LARGE1: variants seen among roughly 807,000 people sequenced by gnomAD.
The protein encoded by LARGE1 is xylosyl- and glucuronyltransferase LARGE1.
A neutral mutation model predicts 87.6 loss-of-function variants in LARGE1; 43 were observed. The ratio of observed to expected loss-of-function variants is 0.49; its 90% CI spans 0.38 to 0.63. LARGE1 has a LOEUF of 0.63. Ranked by LOEUF, LARGE1 falls within the 30% of genes least tolerant of loss-of-function variation. LARGE1 has a pLI of 0.00. For missense variants in LARGE1, 802 were observed against 1,000.2 expected (o/e 0.80, Z 2.67); for synonymous variants, 434 against 394.6 (o/e 1.10, Z -1.18).
At chr22:33,863,051 CG>C (rs748806453) in intron 1 of LARGE1, among the ~76,000 whole-genome samples, 1 of 152,152 alleles carries the variant, frequency 6.6e-6, no homozygotes, top group Non-Finnish European at 1.5e-5. Flanking sequence ...TTGCAGAAAG[CG>C]GTTTGCCTCC....
chr22:33,428,160 C>T (rs939348620), intron 7 of LARGE1, among the ~76,000 whole-genome samples: 3 of 152,106 alleles, frequency 2.0e-5, no homozygotes, highest in African/African-American at 4.8e-5. Flanking sequence ...TTTTTCCAGT[C>T]GGTAAATCTC....
the LARGE1 span, among the ~76,000 whole-genome samples, chr22:33,090,675 A>C: frequency 6.6e-6 from 1 of 152,208 alleles, no homozygotes; most frequent in Non-Finnish European, 1.5e-5. Flanking sequence ...TTCCAACAAA[A>C]TTATTTGGGG....
chr22:33,266,475 C>T (rs1297323971), intron 11 of LARGE1, among the ~76,000 whole-genome samples: 3 of 151,610 alleles, frequency 2.0e-5, no homozygotes, highest in Non-Finnish European at 4.4e-5. Flanking sequence ...CTGCCTGCCT[C>T]GGCCTCCCGA....
chr22:33,681,264 G>A (rs1354384672), intron 2 of LARGE1, among the ~76,000 whole-genome samples: 1 of 152,146 alleles, frequency 6.6e-6, no homozygotes. Context: ...ACATTTGCAG[G>A]GGATGATGTG....
At chr22:33,192,139 G>T (rs1226435367) in intron 11 of LARGE1, among the ~76,000 whole-genome samples, 1 of 152,148 alleles carries the variant, frequency 6.6e-6, no homozygotes, top group Non-Finnish European at 1.5e-5. Context: ...GTTTATGAAA[G>T]GCAAGTGCAG....
intron 9 of LARGE1, among the ~76,000 whole-genome samples, chr22:33,365,416 T>C (rs982662917): frequency 3.1e-4 from 47 of 152,214 alleles, no homozygotes; most frequent in African/African-American, 1.1e-3. Context: ...AAATTATTTG[T>C]GGTCTTAATT....
intron 2 of LARGE1, among the ~76,000 whole-genome samples, chr22:33,670,007 G>A (rs2081365311): frequency 6.6e-6 from 1 of 152,142 alleles, no homozygotes; most frequent in Non-Finnish European, 1.5e-5. Context: ...GTCGCAGGAT[G>A]CAAGAGACAC....
At chr22:33,367,590 C>T (rs1295209672) in intron 9 of LARGE1, among the ~76,000 whole-genome samples, 1 of 151,978 alleles carries the variant, frequency 6.6e-6, no homozygotes, top group Non-Finnish European at 1.5e-5. Flanking sequence ...CCCATCCCCC[C>T]ATTTATTTAT....
intron 9 of LARGE1, among the ~76,000 whole-genome samples, chr22:33,363,715 C>T (rs113670192): frequency 3.5e-4 from 52 of 149,898 alleles, no homozygotes; most frequent in Middle Eastern, 3.2e-3. Context: ...TATAATAAAA[C>T]TGAATAATTA....
At chr22:33,593,381 AT>A (rs1413697631) in intron 5 of LARGE1, among the ~76,000 whole-genome samples, 3 of 150,690 alleles carry the variant, frequency 2.0e-5, no homozygotes, top group Admixed American at 6.6e-5. Context: ...AAAGCCTATC[AT>A]TTTTTTTCTG....
At chr22:33,262,336 G>A (rs1054312389) in intron 11 of LARGE1, among the ~76,000 whole-genome samples, 2 of 152,170 alleles carry the variant, frequency 1.3e-5, no homozygotes, top group African/African-American at 4.8e-5. Context: ...GGGAGTACAC[G>A]GAACAGTTAG....
intron 6 of LARGE1, among the ~76,000 whole-genome samples, chr22:33,449,920 C>CT (rs779381577): frequency 8.5e-4 from 125 of 146,612 alleles, no homozygotes; most frequent in Admixed American, 1.6e-3. Flanking sequence ...GGCTTTTGTA[C>CT]TTTTTTTTTT....
At chr22:33,582,982 A>T (rs1188095978) in intron 5 of LARGE1, among the ~76,000 whole-genome samples, 1 of 152,226 alleles carries the variant, frequency 6.6e-6, no homozygotes, top group Admixed American at 6.5e-5. Context: ...CTATGTTATT[A>T]TTCAGGGGAA....
At chr22:33,365,068 T>C (rs1325921667) in intron 9 of LARGE1, among the ~76,000 whole-genome samples, 1 of 152,114 alleles carries the variant, frequency 6.6e-6, no homozygotes, top group African/African-American at 2.4e-5. Flanking sequence ...TTATTTTTGA[T>C]ATAAAAAGAC....
At chr22:33,072,627 T>G in the LARGE1 span, among the ~76,000 whole-genome samples, 5 of 152,312 alleles carry the variant, frequency 3.3e-5, no homozygotes, top group Non-Finnish European at 7.3e-5. Flanking sequence ...AGAATGTATA[T>G]TTCTAAAAAT....
chr22:33,287,266 C>T (rs1211001567), intron 12 of LARGE1, among the ~76,000 whole-genome samples: 1 of 152,176 alleles, frequency 6.6e-6, no homozygotes, highest in Non-Finnish European at 1.5e-5. Context: ...AACTAAACAA[C>T]CCTAACCAAT....
At chr22:33,711,802 A>G (rs1490127244) in intron 2 of LARGE1, among the ~76,000 whole-genome samples, 1 of 152,132 alleles carries the variant, frequency 6.6e-6, no homozygotes, top group African/African-American at 2.4e-5. Context: ...GAGCACCACT[A>G]TGCTTGGCTA....
chr22:33,069,323 G>A, the LARGE1 span, among the ~76,000 whole-genome samples: 1 of 152,302 alleles, frequency 6.6e-6, no homozygotes, highest in Non-Finnish European at 1.5e-5. Context: ...ACTTATGGGA[G>A]AATGGATATT....
chr22:33,887,333 G>A lies in LARGE1; in HGVS notation c.-83+32662C>T, dbSNP rs149965397. 3.7e-3 allele frequency among the ~76,000 whole-genome samples: 571 copies of A among 152,314 alleles called. 2 individuals carry two copies. Among genetic ancestry groups the A allele is most frequent in the African/African-American group, 0.012 (518 of 41,564 alleles). On this transcript the variant is annotated intron_variant, in intron 1 of 14. Transcript: ENST00000397394. ...CTCGCCCCTTCTTTCACGTAAGGAC[G>A]CAATGAGAAGGCCAAGAGACAGCAG...
Sources: allele counts gnomAD v4.1 joint callset (sites outside exome capture counted in the v4.1 genomes callset), GRCh38; gene constraint gnomAD v4.1.1; transcripts MANE v1.5; gene names NCBI Gene and HGNC (gene_info 2026-07-23, HGNC 2026-07-21).